The following MON1A variants were observed in gnomAD, a reference collection of about 807,000 sequenced individuals.
The protein encoded by MON1A is MON1 vesicular trafficking associated A, also known as vacuolar fusion protein MON1 homolog A.
In MON1A, 29 loss-of-function variants were observed where a neutral mutation model predicts 44.6. The observed-to-expected ratio is 0.65, with a 90% CI of 0.48 to 0.89. The LOEUF (loss-of-function observed/expected upper bound fraction) is 0.89. Ranked by LOEUF, MON1A falls within the 40% of genes least tolerant of loss-of-function variation. The pLI is 0.00. For synonymous variants in MON1A, 275 were observed against 316.4 expected (o/e 0.87, Z 1.39); for missense variants, 615 against 759.6 (o/e 0.81, Z 2.24).
intron 1 of MON1A, among the ~76,000 whole-genome samples, chr3:49,920,333 G>C (rs953181218): frequency 1.3e-5 from 2 of 152,090 alleles, no homozygotes; most frequent in Admixed American, 6.6e-5. Context: ...TACTGTAAAG[G>C]GGCACAGAAT....
rs373851656 is a variant in MON1A at position 49,913,384 on chromosome 3, C to T, written c.-13-25G>A. ...CCTGTGGGGCAAACAAATGCAACAT[C>T]GATGGCTTTTGGCAGGGTCACAGGC... is the stretch of plus-strand genomic sequence containing the variant. On this transcript the variant is annotated intron_variant, in intron 1 of 5. Coordinates refer to ENST00000296473, the MANE Select transcript of MON1A (RefSeq NM_032355.4). 366 of 1,593,838 alleles carry T rather than the reference C, an allele frequency of 2.3e-4. 2 individuals carry two copies. In the South Asian group the frequency reaches 3.5e-3, roughly 15 times the overall value.
Position 49,910,776 on chromosome 3 carries a change from T to C in MON1A, c.722A>G (p.Tyr241Cys). The change falls in exon 4 of 6, where the codon TAC becomes TGC. Residue 241 changes from tyrosine (Y) to cysteine (C), a missense_variant. Tyr to Cys is a radical substitution (Grantham distance 194, BLOSUM62 -2). Coordinates refer to ENST00000296473, the MANE Select transcript of MON1A (RefSeq NM_032355.4). The surrounding 1 kb of genome is among the most constrained non-coding windows in gnomAD (Gnocchi z 8.0). ...ACCGGTAAGAAGGCTTAGGATCTGGTAGTAGATGTAGAGCAGCTCCTGCGC... is the reference window on the plus strand; with the variant it reads ...ACCGGTAAGAAGGCTTAGGATCTGGCAGTAGATGTAGAGCAGCTCCTGCGC... The part of the protein sequence containing the change: ...ELAQELLYIY[Y>C]QILSLLTGAQ... 1 of 1,614,058 alleles carries C rather than the reference T, an allele frequency of 6.2e-7. No individual in the cohort carries two copies. The highest frequency in any genetic ancestry group is 8.5e-7 in the Non-Finnish European group (1 of 1,179,990).
At chr3:49,916,071 C>T (rs928899483) in intron 1 of MON1A, 2 of 152,234 alleles carry the variant, frequency 1.3e-5, no homozygotes, top group Admixed American at 6.5e-5. Context: ...GCCAGGGGCC[C>T]AGGAGGCACT....
Position 49,911,021 on chromosome 3 carries a change from C to G in MON1A, c.614-137G>C. 1 of 883,624 alleles carries G rather than the reference C, an allele frequency of 1.1e-6. No homozygotes were observed. The highest frequency in any genetic ancestry group is 1.8e-5 in the South Asian group (1 of 54,392). 54.7% of individuals were successfully genotyped at this position (883,624 alleles called of 1,614,324 possible). On this transcript the variant is annotated intron_variant, in intron 3 of 5. Transcript: ENST00000296473. This position sits in a 1 kb window ranked among gnomAD's most constrained non-coding sequence, Gnocchi z 5.7. ...CGCACAGTAGGGGTTTAAGGATGTT[C>G]AGGATAAAAACCCATTGCTCCTTCT...
intron 1 of MON1A, among the ~76,000 whole-genome samples, chr3:49,917,992 G>A (rs1430750457): frequency 6.6e-6 from 1 of 151,768 alleles, no homozygotes; most frequent in Non-Finnish European, 1.5e-5. Flanking sequence ...AAGTTGTGGT[G>A]AGCCGAGATT....
In MON1A at chr3:49,910,309, A is replaced by C; in HGVS notation, c.1189T>G (p.Ser397Ala). The C allele has an allele frequency of 6.2e-7, 1 of 1,614,176 alleles. No homozygotes were observed. ...PDTDLCLLLVSTDREDFFAVS... is the reference protein window; with the variant it reads ...PDTDLCLLLVATDREDFFAVS... ...GCAAAGAAGTCCTCACGGTCAGTGGAGACAAGCAGCAGGCAGAGGTCAGTG... is the reference window on the plus strand; with the variant it reads ...GCAAAGAAGTCCTCACGGTCAGTGGCGACAAGCAGCAGGCAGAGGTCAGTG... Residue 397 changes from serine to alanine, a missense_variant, in exon 4 of 6, where the codon TCC becomes GCC. Ser to Ala is a moderately conservative substitution (Grantham distance 99). Coordinates refer to ENST00000296473, the MANE Select transcript of MON1A (RefSeq NM_032355.4). The surrounding 1 kb of genome is among the most constrained non-coding windows in gnomAD (Gnocchi z 8.0).
chr3:49,910,991 C>G lies in MON1A; in HGVS notation c.614-107G>C, dbSNP rs886411257. The G allele has an allele frequency of 1.6e-5, 18 of 1,111,700 alleles. No homozygotes were observed. The African/African-American group carries it at 2.7e-4, about 16-fold the overall frequency. The allele number at this position is 1,111,700 out of a possible 1,614,324, so 68.9% of individuals were successfully genotyped here. On this transcript the variant is annotated intron_variant, in intron 3 of 5. Coordinates refer to ENST00000296473, the MANE Select transcript of MON1A (RefSeq NM_032355.4). This position sits in a 1 kb window ranked among gnomAD's most constrained non-coding sequence, Gnocchi z 8.0. ...TTCCCCATCCTTTCCTCGCTCAGAG[C>G]TCTGCGCACAGTAGGGGTTTAAGGA... is the stretch of plus-strand genomic sequence containing the variant.
chr3:49,926,042 T>G (rs1440783107), intron 1 of MON1A, among the ~76,000 whole-genome samples: 1 of 152,334 alleles, frequency 6.6e-6, no homozygotes, highest in South Asian at 2.1e-4. Flanking sequence ...AACTCTGTAA[T>G]GGTCCCACCT....
Position 49,914,670 on chromosome 3 carries a change from T to C in MON1A, c.-13-1311A>G, listed in dbSNP as rs372664553. On this transcript the variant is annotated intron_variant, in intron 1 of 5. Transcript: ENST00000296473. ...TCAAGCAATTCTCCTGCCTCAGCCT[T>C]GCAAGTAGCTGGGATTACAGGCACC... Among the ~76,000 whole-genome samples, 28 of 151,150 alleles carry C rather than the reference T, an allele frequency of 1.9e-4. 1 individual carries two copies. In the East Asian group the frequency reaches 3.5e-3, roughly 19 times the overall value.
At position 49,910,141 on chromosome 3, in the gene MON1A, T is replaced by C; in HGVS notation, c.1357A>G (p.Lys453Glu). The change falls in exon 4 of 6, where the codon AAG (lysine) becomes GAG (glutamate). Residue 453 changes from lysine to glutamate, a missense_variant. Physicochemically the swap from Lys to Glu is moderately conservative, Grantham distance 56. Coordinates refer to ENST00000296473, the MANE Select transcript of MON1A (RefSeq NM_032355.4). The surrounding 1 kb of genome is among the most constrained non-coding windows in gnomAD (Gnocchi z 8.0). ...PDLRHFLYKS[K>E]SSGLFTSPEI... Reference sequence around the variant, plus strand: ...CACCTGGTGAAGAGTCCCGAGCTCTTTGACTTATAGAGGAAGTGACGCAGG... The same window carrying C: ...CACCTGGTGAAGAGTCCCGAGCTCTCTGACTTATAGAGGAAGTGACGCAGG... The C allele has an allele frequency of 6.2e-7, 1 of 1,603,086 alleles. No homozygotes were observed. Among genetic ancestry groups the C allele is most frequent in the Non-Finnish European group, 8.5e-7 (1 of 1,171,630 alleles).
chr3:49,923,020 T>G (rs72938200), intron 1 of MON1A, among the ~76,000 whole-genome samples: 3,606 of 149,536 alleles, frequency 0.024, 147 homozygotes, highest in African/African-American at 0.082. Context: ...AGAAAGACAA[T>G]CTCATCCTTT....
rs553572587 is a variant in MON1A, at chr3:49,929,728, C to T, written c.-133G>A. On this transcript the variant is annotated 5_prime_UTR_variant, in exon 1 of 6. Transcript: ENST00000296473. Reference sequence around the variant, plus strand: ...CTGAGGGCACAGCTTCGCGGGGCCCCGGCCCCCTGCGTACACAGACATGGC... The same window carrying T: ...CTGAGGGCACAGCTTCGCGGGGCCCTGGCCCCCTGCGTACACAGACATGGC... 1,242 of 1,549,992 alleles carry T rather than the reference C, an allele frequency of 8.0e-4. 6 individuals are homozygous for T. The highest frequency in any genetic ancestry group is 3.4e-3 in the Middle Eastern group (20 of 5,936).
chr3:49,929,319 T>C, intron 1 of MON1A: 1 of 506,068 alleles, frequency 2.0e-6, no homozygotes, highest in African/African-American at 2.0e-5. Flanking sequence ...CGGCCGAATA[T>C]GTGTACGTTT....
chr3:49,912,860 T>C (rs1575472188), intron 2 of MON1A: 1 of 367,782 alleles, frequency 2.7e-6, no homozygotes, highest in African/African-American at 2.1e-5. Context: ...AGATGGGCAA[T>C]ATATGCATAA....
At chr3:49,928,284 C>CA (rs2083067541) in intron 1 of MON1A, among the ~76,000 whole-genome samples, 1 of 152,196 alleles carries the variant, frequency 6.6e-6, no homozygotes, top group African/African-American at 2.4e-5. Context: ...TCTGGAAACT[C>CA]AGACAGGGAG....
rs2082840862 is a variant in MON1A at position 49,908,894 on chromosome 3, A to G, written c.*120T>C. 4.1e-6 allele frequency: 5 copies of G among 1,232,044 alleles called. No homozygotes were observed. The highest frequency in any genetic ancestry group is 5.4e-5 in the Admixed American group (2 of 36,846). The allele number at this position is 1,232,044 out of a possible 1,614,324, so 76.3% of individuals were successfully genotyped here. A position where few individuals can be genotyped will look rare whatever the true frequency, so the allele number is the denominator to read the frequency against. ...TGTCTTCCCCAAAGCACTTTAATGC[A>G]TTCACCAACCCACAGTCCCTGCCCG... On this transcript the variant is annotated 3_prime_UTR_variant, in exon 6 of 6. Transcript: ENST00000296473.
chr3:49,922,214 G>A (rs1412674490), intron 1 of MON1A, among the ~76,000 whole-genome samples: 5 of 151,740 alleles, frequency 3.3e-5, no homozygotes, highest in African/African-American at 9.7e-5. Flanking sequence ...TTGGGAGGCC[G>A]AGGTGGGCAG....
At chr3:49,914,394 A>C (rs2082924680) in intron 1 of MON1A, among the ~76,000 whole-genome samples, 1 of 149,958 alleles carries the variant, frequency 6.7e-6, no homozygotes, top group South Asian at 2.1e-4. Context: ...TTCTTTTCTG[A>C]AACAGGTCTG....
intron 1 of MON1A, chr3:49,916,946 T>G (rs1448762028): frequency 3.9e-5 from 6 of 152,130 alleles, no homozygotes; most frequent in Non-Finnish European, 5.9e-5. Flanking sequence ...TCCAAAGCTA[T>G]CCTAAAAGCC....
Sources: allele counts gnomAD v4.1 joint callset (sites outside exome capture counted in the v4.1 genomes callset), GRCh38; gene constraint gnomAD v4.1.1; non-coding constraint Gnocchi (gnomAD v3.1); transcripts MANE v1.5; gene names NCBI Gene and HGNC (gene_info 2026-07-23, HGNC 2026-07-21).